The following FAM117B variants were observed in gnomAD, a reference collection of about 807,000 sequenced individuals.
FAM117B encodes protein FAM117B.
In FAM117B, 22 loss-of-function variants were observed where a neutral mutation model predicts 52.8. That is an observed-to-expected ratio of 0.42 (90% confidence interval 0.30 to 0.59). The LOEUF is 0.59. Ranked by LOEUF, FAM117B falls within the 20% of genes least tolerant of loss-of-function variation. The probability of loss-of-function intolerance (pLI) is 0.22; values close to 1 mark genes in which losing one functional copy is unlikely to be tolerated. For synonymous variants in FAM117B, 309 were observed against 324.1 expected, an observed-to-expected ratio of 0.95 and a Z score of 0.50; for missense variants, 678 against 802.6, an observed-to-expected ratio of 0.84 and a Z score of 1.88.
Position 202,757,449 on chromosome 2 carries a change from G to A in FAM117B, c.1330+11G>A, listed in dbSNP as rs1345547060. On this transcript the variant is annotated intron_variant, in intron 6 of 7. Transcript: ENST00000392238. Reference sequence around the variant, plus strand: ...ATCCCAGAGATAAAGGTACAGTGCTGGAGGAATGTGCTACTAGATGATAAT... The same window carrying A: ...ATCCCAGAGATAAAGGTACAGTGCTAGAGGAATGTGCTACTAGATGATAAT... The A allele has an allele frequency of 6.2e-7, 1 of 1,611,400 alleles. No homozygotes were observed. Among genetic ancestry groups the A allele is most frequent in the Non-Finnish European group, 8.5e-7 (1 of 1,177,736 alleles).
chr2:202,659,081 C>G (rs1295779002), intron 1 of FAM117B, among the ~76,000 whole-genome samples: 1 of 151,862 alleles, frequency 6.6e-6, no homozygotes. Flanking sequence ...TTCTGGCTCA[C>G]TGCAACCTCT....
At chr2:202,725,171 G>A (rs1438209814) in intron 3 of FAM117B, 162 bp downstream of exon 3, 1 of 460,758 alleles carries the variant, frequency 2.2e-6, no homozygotes, top group Non-Finnish European at 3.9e-6. Flanking sequence ...ATTTAATAAA[G>A]ATTTCAATAG....
intron 4 of FAM117B, among the ~76,000 whole-genome samples, chr2:202,743,738 G>A (rs1178649150): frequency 6.6e-6 from 1 of 152,108 alleles, no homozygotes; most frequent in Non-Finnish European, 1.5e-5. Context: ...ATCAAAGAAT[G>A]AAATAAAAAT....
At chr2:202,721,547 G>A (rs1306146586) in intron 2 of FAM117B, among the ~76,000 whole-genome samples, 1 of 152,162 alleles carries the variant, frequency 6.6e-6, no homozygotes, top group African/African-American at 2.4e-5. Flanking sequence ...CTGAGTGAAT[G>A]TTTTGTTCTT....
chr2:202,716,384 T>C (rs1334446936), intron 2 of FAM117B, among the ~76,000 whole-genome samples: 2 of 152,206 alleles, frequency 1.3e-5, no homozygotes, highest in African/African-American at 4.8e-5. Flanking sequence ...CATTCAATGT[T>C]GTTATTGATG....
At chr2:202,699,027 T>C (rs1375652717) in intron 2 of FAM117B, among the ~76,000 whole-genome samples, 1 of 152,206 alleles carries the variant, frequency 6.6e-6, no homozygotes, top group Non-Finnish European at 1.5e-5. Flanking sequence ...AGTAAGTCTT[T>C]TCAGCAAATT....
chr2:202,678,545 T>C (rs1212872850), intron 1 of FAM117B, among the ~76,000 whole-genome samples: 4 of 152,096 alleles, frequency 2.6e-5, no homozygotes, highest in African/African-American at 9.7e-5. Context: ...GGAATCTCCA[T>C]GTTTGAGTGG....
At chr2:202,715,754 A>G (rs953428824) in intron 2 of FAM117B, among the ~76,000 whole-genome samples, 2 of 152,202 alleles carry the variant, frequency 1.3e-5, no homozygotes, top group African/African-American at 2.4e-5. Flanking sequence ...AGGTTGTAGC[A>G]AGCCGAGATC....
At chr2:202,675,098 G>A (rs1258910651) in intron 1 of FAM117B, among the ~76,000 whole-genome samples, 1 of 151,948 alleles carries the variant, frequency 6.6e-6, no homozygotes, top group African/African-American at 2.4e-5. Context: ...GCCCAGGCAT[G>A]GTGGCGCATG....
chr2:202,645,088 C>T (rs1421620356), intron 1 of FAM117B, among the ~76,000 whole-genome samples: 3 of 151,626 alleles, frequency 2.0e-5, no homozygotes, highest in Admixed American at 6.6e-5. Context: ...GTCTAGTTTC[C>T]GTATCTTTAT....
intron 1 of FAM117B, among the ~76,000 whole-genome samples, chr2:202,679,349 A>G (rs927354020): frequency 2.0e-5 from 3 of 152,240 alleles, no homozygotes; most frequent in African/African-American, 7.2e-5. Context: ...ATTGGAATTC[A>G]GAGAGGTTGC....
chr2:202,757,935 A>G (rs1416931628), intron 6 of FAM117B, among the ~76,000 whole-genome samples: 2 of 152,210 alleles, frequency 1.3e-5, no homozygotes, highest in African/African-American at 4.8e-5. Flanking sequence ...GTACTTTTAA[A>G]AATAACCTTA....
intron 4 of FAM117B, among the ~76,000 whole-genome samples, chr2:202,748,933 TTG>T (rs1486188810): frequency 6.6e-6 from 1 of 152,046 alleles, no homozygotes; most frequent in African/African-American, 2.4e-5. Context: ...AAAAATGTGG[TTG>T]TGTGTGTGCG....
At chr2:202,761,013 A>G (rs550765882) in intron 7 of FAM117B, among the ~76,000 whole-genome samples, 156 of 152,106 alleles carry the variant, frequency 1.0e-3, no homozygotes, top group African/African-American at 3.7e-3. Flanking sequence ...GGCTCAGGCA[A>G]TTCTCTCACC....
At chr2:202,655,861 A>T (rs1690048806) in intron 1 of FAM117B, among the ~76,000 whole-genome samples, 1 of 152,088 alleles carries the variant, frequency 6.6e-6, no homozygotes, top group Non-Finnish European at 1.5e-5. Flanking sequence ...GACAGTGAAC[A>T]ATCAATTGGG....
At chr2:202,687,393 A>C (rs1486681508) in intron 1 of FAM117B, among the ~76,000 whole-genome samples, 1 of 152,146 alleles carries the variant, frequency 6.6e-6, no homozygotes, top group Non-Finnish European at 1.5e-5. Flanking sequence ...TTTGGCTTTC[A>C]AAACTCCAAA....
intron 1 of FAM117B, among the ~76,000 whole-genome samples, chr2:202,678,019 G>T (rs1690403897): frequency 6.6e-6 from 1 of 152,056 alleles, no homozygotes; most frequent in Non-Finnish European, 1.5e-5. Flanking sequence ...TGTAGTTCTG[G>T]ATGATACATC....
At chr2:202,657,494 GT>G (rs1013087029) in intron 1 of FAM117B, among the ~76,000 whole-genome samples, 8 of 150,628 alleles carry the variant, frequency 5.3e-5, no homozygotes, top group African/African-American at 1.5e-4. Context: ...TAGGTGTGCT[GT>G]TTTTTTTTGG....
chr2:202,675,941 C>T (rs1690371389), intron 1 of FAM117B, among the ~76,000 whole-genome samples: 1 of 144,672 alleles, frequency 6.9e-6, no homozygotes, highest in Admixed American at 7.2e-5. Flanking sequence ...GCTGAGATCG[C>T]ACCATTGCAT....
Sources: allele counts gnomAD v4.1 joint callset (sites outside exome capture counted in the v4.1 genomes callset), GRCh38; gene constraint gnomAD v4.1.1; transcripts MANE v1.5; gene names NCBI Gene and HGNC (gene_info 2026-07-23, HGNC 2026-07-21).